Variants in DNAH14 observed in about 807,000 individuals in gnomAD.
DNAH14 encodes axonemal beta dynein heavy chain 14.
In DNAH14, 478 loss-of-function variants were observed where a neutral mutation model predicts 520.9. The ratio of observed to expected loss-of-function variants is 0.92; its 90% CI spans 0.85 to 0.99. The LOEUF is 0.99. DNAH14 is among the 50% of genes least tolerant of loss of function. DNAH14 has a pLI of 0.00. For missense variants in DNAH14, 4,831 were observed against 5,234.5 expected (o/e 0.92, Z 2.38); for synonymous variants, 1,581 against 1,757.2 (o/e 0.90, Z 2.51).
chr1:225,174,870 T>C (rs912712888), intron 36 of DNAH14, among the ~76,000 whole-genome samples: 1 of 151,954 alleles, frequency 6.6e-6, no homozygotes, highest in Non-Finnish European at 1.5e-5. Context: ...TTGTTTAAGG[T>C]TTTTTTTATT....
chr1:225,045,151 C>T (rs1572670840), intron 15 of DNAH14, among the ~76,000 whole-genome samples: 2 of 152,022 alleles, frequency 1.3e-5, no homozygotes, highest in African/African-American at 4.8e-5. Context: ...TCTTACCAAT[C>T]TTTCCATATG....
chr1:225,097,117 G>C lies in DNAH14; in HGVS notation c.3574-1G>C. ...ATGTGTATATGTTTTTATCATTGTA[G>C]GATCTTGTGAATGAATGGGATCAAA... is the stretch of plus-strand genomic sequence containing the variant. On this transcript the variant is annotated splice_acceptor_variant, in intron 21 of 85. Coordinates refer to ENST00000682510, the MANE Select transcript of DNAH14 (RefSeq NM_001367479.1). LOFTEE classifies it high-confidence loss of function. 3 of 1,544,296 alleles carry C rather than the reference G, an allele frequency of 1.9e-6. No individual in the cohort carries two copies. The highest frequency in any genetic ancestry group is 2.6e-6 in the Non-Finnish European group (3 of 1,143,406).
chr1:225,289,419 A>G (rs1481353534), intron 54 of DNAH14, among the ~76,000 whole-genome samples: 1 of 152,176 alleles, frequency 6.6e-6, no homozygotes. Context: ...TCCACTTAAA[A>G]CAGGTATAAG....
At chr1:225,358,380 ACT>A in intron 73 of DNAH14, 114 bp from the exon 74 acceptor site, 1 of 937,302 alleles carries the variant, frequency 1.1e-6, no homozygotes, top group Non-Finnish European at 1.5e-6. Flanking sequence ...CAACAGGAAA[ACT>A]CTGGCTGAAA....
Position 225,264,132 on chromosome 1 carries a change from T to C in DNAH14, c.7158-65T>C, listed in dbSNP as rs1458986737. 4 of 1,334,250 alleles carry C rather than the reference T, an allele frequency of 3.0e-6. No homozygotes were observed. In the African/African-American group the frequency reaches 5.9e-5, roughly 20 times the overall value. 82.7% of individuals were successfully genotyped at this position (1,334,250 alleles called of 1,614,324 possible). A position where few individuals can be genotyped will look rare whatever the true frequency, so the allele number is the denominator to read the frequency against. ...TCACAATATGCTGTTACTTTTTTGT[T>C]GTTGTTTAATATACCTATTATGGTA... On this transcript the variant is annotated intron_variant, in intron 46 of 85. Transcript: ENST00000682510.
At chr1:225,267,450 C>T (rs1842337) in intron 49 of DNAH14, among the ~76,000 whole-genome samples, 2,870 of 151,976 alleles carry the variant, frequency 0.019, 194 homozygotes, top group East Asian at 0.15. Flanking sequence ...CCCACCACCA[C>T]GCCCAGCTAG....
chr1:225,080,563 T>C lies in DNAH14; in HGVS notation c.2951T>C (p.Ile984Thr). 1.3e-6 allele frequency: 2 copies of C among 1,552,012 alleles called. No homozygotes were observed. The highest frequency in any genetic ancestry group is 2.4e-5 in the East Asian group (1 of 40,902). ...HSVNVEEITQ[I>T]VLSEISDIEG... is the part of the protein sequence containing the mutation. ...GTTAATGTGGAAGAAATTACACAGA[T>C]TGTGCTTTCAGAGATCTCTGACATT... is the stretch of plus-strand genomic sequence containing the variant. Residue 984 changes from isoleucine (I) to threonine (T), a missense_variant, in exon 19 of 86, where the codon ATT (isoleucine) becomes ACT (threonine). Physicochemically the swap from Ile to Thr is moderately conservative, Grantham distance 89. Transcript: ENST00000682510.
At chr1:225,100,340 C>T (rs1015083668) in intron 22 of DNAH14, among the ~76,000 whole-genome samples, 1 of 152,132 alleles carries the variant, frequency 6.6e-6, no homozygotes, top group South Asian at 2.1e-4. Flanking sequence ...GATTAAATAA[C>T]GTCTTCTCCA....
chr1:224,938,735 G>A (rs1194499493), intron 1 of DNAH14, among the ~76,000 whole-genome samples: 1 of 152,162 alleles, frequency 6.6e-6, no homozygotes, highest in Non-Finnish European at 1.5e-5. Context: ...AGAGATATCT[G>A]TACTTGCATG....
chr1:225,255,813 TA>T (rs1302876680), intron 44 of DNAH14, among the ~76,000 whole-genome samples: 2 of 152,016 alleles, frequency 1.3e-5, no homozygotes, highest in Non-Finnish European at 2.9e-5. Context: ...TTACCATTTA[TA>T]AAGAAATAAA....
At chr1:225,358,455 G>A (rs2095456391) in intron 73 of DNAH14, 41 bp from the exon 74 acceptor site, 1 of 1,422,850 alleles carries the variant, frequency 7.0e-7, no homozygotes, top group African/African-American at 1.5e-5. Flanking sequence ...CTCTCTGGGT[G>A]GCTTTTAATT....
chr1:225,093,622 G>T (rs1316294208), intron 21 of DNAH14, among the ~76,000 whole-genome samples: 2 of 152,112 alleles, frequency 1.3e-5, no homozygotes, highest in Non-Finnish European at 2.9e-5. Context: ...AGTGCTGGAA[G>T]TTCTAGCCAG....
chr1:225,052,521 G>A (rs1310452863), intron 17 of DNAH14, among the ~76,000 whole-genome samples: 1 of 152,112 alleles, frequency 6.6e-6, no homozygotes, highest in East Asian at 1.9e-4. Context: ...ACAAATATTT[G>A]TTGAGCATTG....
At chr1:225,076,033 T>A (rs2072233607) in intron 17 of DNAH14, among the ~76,000 whole-genome samples, 1 of 104,438 alleles carries the variant, frequency 9.6e-6, no homozygotes, top group African/African-American at 2.9e-5. Flanking sequence ...GTTGACTGGG[T>A]CTGCTGGCAT....
chr1:225,204,425 G>T (rs2087268513), intron 39 of DNAH14, among the ~76,000 whole-genome samples, 152 bp downstream of exon 39: 1 of 151,866 alleles, frequency 6.6e-6, no homozygotes, highest in Non-Finnish European at 1.5e-5. Flanking sequence ...TAAAATTTGT[G>T]TAGTGTTACC....
chr1:225,201,396 T>C (rs547008509), intron 38 of DNAH14, among the ~76,000 whole-genome samples: 54 of 152,286 alleles, frequency 3.5e-4, no homozygotes, highest in African/African-American at 1.3e-3. Context: ...TTTAGATTCA[T>C]TGCTGGTGAG....
intron 15 of DNAH14, among the ~76,000 whole-genome samples, chr1:225,044,906 C>T (rs149311938): frequency 6.6e-6 from 1 of 152,192 alleles, no homozygotes; most frequent in East Asian, 1.9e-4. Context: ...GGGATGACCC[C>T]TCCCATACTC....
intron 17 of DNAH14, among the ~76,000 whole-genome samples, chr1:225,059,832 T>A (rs2148398918): frequency 6.6e-6 from 1 of 152,348 alleles, no homozygotes; most frequent in South Asian, 2.1e-4. Context: ...AATTCTTTTC[T>A]TTAAGAATGT....
chr1:225,211,586 C>G (rs2088418857), intron 41 of DNAH14, among the ~76,000 whole-genome samples: 1 of 152,004 alleles, frequency 6.6e-6, no homozygotes, highest in Non-Finnish European at 1.5e-5. Flanking sequence ...TTCAAGATAT[C>G]CAGAAGAACT....
Sources: allele counts gnomAD v4.1 joint callset (sites outside exome capture counted in the v4.1 genomes callset), GRCh38; gene constraint gnomAD v4.1.1; transcripts MANE v1.5; gene names NCBI Gene and HGNC (gene_info 2026-07-23, HGNC 2026-07-21).